SNRPA1: variants seen among roughly 807,000 people sequenced by gnomAD.
The protein encoded by SNRPA1 is U2 small nuclear ribonucleoprotein A'.
A neutral mutation model predicts 32.3 loss-of-function variants in SNRPA1; 5 were observed. The observed-to-expected ratio is 0.15, with a 90% CI of 0.08 to 0.33. The LOEUF (loss-of-function observed/expected upper bound fraction) is 0.33. Among genes scored for constraint, SNRPA1 ranks in the 10% least tolerant of loss-of-function variants. SNRPA1 has a pLI of 1.00. For synonymous variants in SNRPA1, 111 were observed against 120.1 expected (o/e 0.92, Z 0.50); for missense variants, 198 against 311.1 (o/e 0.64, Z 2.74).
At chr15:101,283,364 T>A (rs1195468692) in intron 8 of SNRPA1, among the ~76,000 whole-genome samples, 6 of 150,164 alleles carry the variant, frequency 4.0e-5, no homozygotes, top group African/African-American at 1.5e-4. Flanking sequence ...CTGGCTAACA[T>A]GTGTTTTTAG....
intron 5 of SNRPA1, chr15:101,286,583 C>T: frequency 2.1e-6 from 1 of 469,842 alleles, no homozygotes; most frequent in South Asian, 3.0e-5. Context: ...CATCCTAACA[C>T]ACGGAGCTGC....
At chr15:101,293,272 G>C in intron 1 of SNRPA1, 100 bp from the exon 2 acceptor site, 1 of 806,418 alleles carries the variant, frequency 1.2e-6, no homozygotes, top group Non-Finnish European at 1.9e-6. Flanking sequence ...TCCAGGCTTT[G>C]ATTTATTCAG....
intron 6 of SNRPA1, 69 bp downstream of exon 6, chr15:101,286,145 G>C (rs1391954033): frequency 1.5e-6 from 2 of 1,338,882 alleles, no homozygotes; most frequent in South Asian, 1.2e-5. Context: ...TGTAGGAGAC[G>C]AACTGCCAGA....
chr15:101,291,989 A>T lies in SNRPA1; in HGVS notation c.282T>A (p.Ile94=). 1 of 1,612,882 alleles carries T rather than the reference A, an allele frequency of 6.2e-7. No homozygotes were observed. The highest frequency in any genetic ancestry group is 8.5e-7 in the Non-Finnish European group (1 of 1,179,022). The change falls in exon 3 of 9, where the codon ATT becomes ATA. Residue 94 remains isoleucine, a synonymous_variant. Transcript: ENST00000254193. ...DQALPCLTEL[I]LTNNSLVELG... ...GTTCCACGAGACTATTATTGGTGAG[A>T]ATGAGTTCTGTCAGACAGGGCAGAG...
At position 101,293,289 on chromosome 15, in the gene SNRPA1, T is replaced by A; in HGVS notation, c.83-117A>T. 5.8e-6 allele frequency: 4 copies of A among 692,288 alleles called. No homozygotes were observed. In the South Asian group the frequency reaches 7.3e-5, roughly 13 times the overall value. The allele number at this position is 692,288 out of a possible 1,614,324, so 42.9% of individuals were successfully genotyped here. ...CAGGCTTTGATTTATTCAGGAAGTA[T>A]TACCTAGCACCTATGTCGGGTCACG... On this transcript the variant is annotated intron_variant, in intron 1 of 8. Coordinates refer to ENST00000254193, the MANE Select transcript of SNRPA1 (RefSeq NM_003090.4).
chr15:101,282,262 A>G (rs1255295630), intron 8 of SNRPA1, among the ~76,000 whole-genome samples: 1 of 152,270 alleles, frequency 6.6e-6, no homozygotes, highest in African/African-American at 2.4e-5. Context: ...ATTTTGCTCA[A>G]TGTATTCCAG....
At chr15:101,291,604 T>A (rs2039527311) in intron 3 of SNRPA1, among the ~76,000 whole-genome samples, 1 of 152,120 alleles carries the variant, frequency 6.6e-6, no homozygotes, top group Non-Finnish European at 1.5e-5. Flanking sequence ...TAGCCACCTG[T>A]AGTTACTGGT....
At chr15:101,287,289 C>T (rs2039466840) in intron 4 of SNRPA1, among the ~76,000 whole-genome samples, 2 of 152,138 alleles carry the variant, frequency 1.3e-5, no homozygotes, top group South Asian at 4.1e-4. Context: ...CACCCATTAA[C>T]TTGTCATTTA....
chr15:101,290,976 G>A (rs2039519643), intron 3 of SNRPA1, among the ~76,000 whole-genome samples: 5 of 151,804 alleles, frequency 3.3e-5, no homozygotes, highest in Admixed American at 2.6e-4. Flanking sequence ...TCCTGACCTC[G>A]TGATCCACCC....
At position 101,282,398 on chromosome 15, in the gene SNRPA1, C is replaced by T. The variant is rs530067794; in HGVS notation, c.710-616G>A. ...TTTCATCATTCCATCCTGTGCAATACGGCATTTTGATTGACGGGCATGAAG... is the reference window on the plus strand; with the variant it reads ...TTTCATCATTCCATCCTGTGCAATATGGCATTTTGATTGACGGGCATGAAG... On this transcript the variant is annotated intron_variant, in intron 8 of 8. Transcript: ENST00000254193. Among the ~76,000 whole-genome samples the T allele has an allele frequency of 1.4e-4, 21 of 152,296 alleles. No homozygotes were observed. In the South Asian group the frequency reaches 2.5e-3, roughly 18 times the overall value.
chr15:101,283,711 C>T lies in SNRPA1; in HGVS notation c.709+1256G>A, dbSNP rs564675731. Among the ~76,000 whole-genome samples the T allele has an allele frequency of 1.4e-4, 22 of 152,288 alleles. 1 individual carries two copies. Among genetic ancestry groups the T allele is most frequent in the African/African-American group, 4.6e-4 (19 of 41,562 alleles). The stretch of plus-strand genomic sequence containing the variant: ...CTGTAATCCCAGCACTTTGGGAAGA[C>T]GAGGCAGGTGGATCACGGGGTCAAG... On this transcript the variant is annotated intron_variant, in intron 8 of 8. Coordinates refer to ENST00000254193, the MANE Select transcript of SNRPA1 (RefSeq NM_003090.4).
chr15:101,292,182 A>G (rs8028930), intron 2 of SNRPA1, 142 bp from the exon 3 acceptor site: 207,532 of 606,364 alleles, frequency 0.34, 36,472 homozygotes, highest in Middle Eastern at 0.42. Context: ...AAGCAAAAAG[A>G]ACCCTTTTCT....
intron 8 of SNRPA1, among the ~76,000 whole-genome samples, chr15:101,282,029 T>C (rs182177893): frequency 2.9e-4 from 44 of 152,374 alleles, no homozygotes; most frequent in African/African-American, 9.4e-4. Context: ...TTGCCTCCCA[T>C]TGTAGTTGAT....
In SNRPA1 at chr15:101,287,568, T is replaced by A. The variant is rs373871660; in HGVS notation, c.356+88A>T. On this transcript the variant is annotated intron_variant, in intron 4 of 8. Coordinates refer to ENST00000254193, the MANE Select transcript of SNRPA1 (RefSeq NM_003090.4). ...CATGGTGCATATGTGCCACATTTTTTAATTATCTGATTACATTAAGGTCAA... is the reference window on the plus strand; with the variant it reads ...CATGGTGCATATGTGCCACATTTTTAAATTATCTGATTACATTAAGGTCAA... The A allele has an allele frequency of 1.5e-4, 175 of 1,153,080 alleles. No individual in the cohort carries two copies. In the African/African-American group the frequency reaches 2.0e-3, roughly 13 times the overall value. The allele number at this position is 1,153,080 out of a possible 1,614,324, so 71.4% of individuals were successfully genotyped here. A position where few individuals can be genotyped will look rare whatever the true frequency, so the allele number is the denominator to read the frequency against.
chr15:101,294,895 C>A lies in SNRPA1; in HGVS notation c.82+202G>T, dbSNP rs1363555682. 6.8e-6 allele frequency: 3 copies of A among 438,056 alleles called. No individual in the cohort carries two copies. In the East Asian group the frequency reaches 1.1e-4, roughly 16 times the overall value. 27.1% of individuals were successfully genotyped at this position (438,056 alleles called of 1,614,324 possible). A position where few individuals can be genotyped will look rare whatever the true frequency, so the allele number is the denominator to read the frequency against. On this transcript the variant is annotated intron_variant, in intron 1 of 8. Coordinates refer to ENST00000254193, the MANE Select transcript of SNRPA1 (RefSeq NM_003090.4). ...TGCCTGTCAAGAGGCACGGCGCTAA[C>A]AGAAGGCTCCCAGGAGCTTAACCGG...
At chr15:101,281,839 G>A in intron 8 of SNRPA1, 57 bp from the exon 9 acceptor site, 1 of 1,515,648 alleles carries the variant, frequency 6.6e-7, no homozygotes, top group Non-Finnish European at 9.2e-7. Flanking sequence ...CATTCCCTTA[G>A]CATGCAAGTG....
rs1280871202 is a variant in SNRPA1, at chr15:101,281,623, TGATA to T, written c.*97_*100del. 1 of 822,790 alleles carries T rather than the reference TGATA, an allele frequency of 1.2e-6. No homozygotes were observed. Among genetic ancestry groups the T allele is most frequent in the Non-Finnish European group, 2.1e-6 (1 of 473,860 alleles). 51.0% of individuals were successfully genotyped at this position (822,790 alleles called of 1,614,324 possible). ...GCAGTCTTAAGCATTTCAACAATGC[TGATA>T]GATTCCACTTTGCTAACACAAACAA... On this transcript the variant is annotated 3_prime_UTR_variant, in exon 9 of 9. Transcript: ENST00000254193.
chr15:101,286,536 A>G, intron 5 of SNRPA1: 1 of 502,522 alleles, frequency 2.0e-6, no homozygotes. Flanking sequence ...CAATTAAATG[A>G]ATAATAAAAT....
At position 101,286,380 on chromosome 15, in the gene SNRPA1, C is replaced by G. The variant is rs958440449; in HGVS notation, c.460-87G>C. ...TCCTCAGAAGACATGGAAGCGAACT[C>G]TCCTACAGTACTCCGGGCTGGTGAA... is the stretch of plus-strand genomic sequence containing the variant. On this transcript the variant is annotated intron_variant, in intron 5 of 8. Coordinates refer to ENST00000254193, the MANE Select transcript of SNRPA1 (RefSeq NM_003090.4). The G allele has an allele frequency of 2.2e-5, 26 of 1,174,614 alleles. No individual in the cohort carries two copies. The East Asian group carries it at 4.1e-4, about 19-fold the overall frequency. The allele number at this position is 1,174,614 out of a possible 1,614,324, so 72.8% of individuals were successfully genotyped here. A position where few individuals can be genotyped will look rare whatever the true frequency, so the allele number is the denominator to read the frequency against.
Sources: allele counts gnomAD v4.1 joint callset (sites outside exome capture counted in the v4.1 genomes callset), GRCh38; gene constraint gnomAD v4.1.1; transcripts MANE v1.5; gene names NCBI Gene and HGNC (gene_info 2026-07-23, HGNC 2026-07-21).